SLC25A48: variants seen among roughly 807,000 people sequenced by gnomAD.
SLC25A48 encodes solute carrier family 25 member 48, also known as CTC-321K16.1.
SLC25A48 carries 29 observed loss-of-function variants against 32.2 expected under a neutral mutation model. That is an observed-to-expected ratio of 0.90 (90% CI 0.67 to 1.23). SLC25A48 has a LOEUF of 1.23. Ranked by LOEUF, SLC25A48 falls within the 50% of genes most tolerant of loss-of-function variation. The probability of loss-of-function intolerance (pLI) is 0.00; values close to 1 mark genes in which losing one functional copy is unlikely to be tolerated. For synonymous variants in SLC25A48, 164 were observed against 172.3 expected, an observed-to-expected ratio of 0.95 and a Z score of 0.38; for missense variants, 399 against 422.7, an observed-to-expected ratio of 0.94 and a Z score of 0.49.
At chr5:135,652,956 G>C (rs932778160) in intron 3 of SLC25A48, among the ~76,000 whole-genome samples, 2 of 152,112 alleles carry the variant, frequency 1.3e-5, no homozygotes, top group Non-Finnish European at 2.9e-5. Flanking sequence ...TAGGTCATGA[G>C]GCCTCCACCT....
intron 3 of SLC25A48, among the ~76,000 whole-genome samples, chr5:135,709,309 C>T (rs1342559833): frequency 6.6e-6 from 1 of 152,228 alleles, no homozygotes; most frequent in Non-Finnish European, 1.5e-5. Context: ...GGGCCAATTC[C>T]TCCAACCCCA....
intron 3 of SLC25A48, among the ~76,000 whole-genome samples, chr5:135,637,847 A>G (rs895340868): frequency 2.6e-5 from 4 of 152,016 alleles, no homozygotes; most frequent in African/African-American, 7.2e-5. Flanking sequence ...TTTGGGCTGT[A>G]TTTGTTGTTG....
chr5:135,827,430 G>A (rs1758091289), intron 4 of SLC25A48: 1 of 152,146 alleles, frequency 6.6e-6, no homozygotes, highest in Non-Finnish European at 1.5e-5. Flanking sequence ...ATTCTTTTTA[G>A]AAAATCTATT....
intron 2 of SLC25A48, among the ~76,000 whole-genome samples, chr5:135,633,077 G>A (rs1029485500): frequency 1.4e-4 from 22 of 152,190 alleles, no homozygotes; most frequent in African/African-American, 4.6e-4. Flanking sequence ...TATCTCTGCA[G>A]TTTAATAGTG....
At chr5:135,869,982 C>T (rs1181791455) in intron 4 of SLC25A48, among the ~76,000 whole-genome samples, 2 of 152,182 alleles carry the variant, frequency 1.3e-5, no homozygotes, top group African/African-American at 4.8e-5. Context: ...AGAAACCACC[C>T]CCTCAACCTC....
intron 3 of SLC25A48, among the ~76,000 whole-genome samples, chr5:135,798,289 G>A (rs1757237005): frequency 6.6e-6 from 1 of 151,700 alleles, no homozygotes; most frequent in Non-Finnish European, 1.5e-5. Context: ...GGGGAAAGAG[G>A]ATGATATTAC....
chr5:135,795,242 A>G (rs1757139395), intron 3 of SLC25A48, among the ~76,000 whole-genome samples: 2 of 151,850 alleles, frequency 1.3e-5, no homozygotes, highest in Non-Finnish European at 1.5e-5. Context: ...TACTCCCAAT[A>G]TCGCAGAAGG....
intron 3 of SLC25A48, among the ~76,000 whole-genome samples, chr5:135,764,316 G>T (rs991043372): frequency 6.6e-6 from 1 of 151,956 alleles, no homozygotes; most frequent in Non-Finnish European, 1.5e-5. Context: ...ATCGTGGAGG[G>T]TGTACACCCC....
chr5:135,629,974 CCA>C lies in SLC25A48; in HGVS notation c.-709+599_-709+600del, dbSNP rs1425033930. 6.6e-6 allele frequency among the ~76,000 whole-genome samples: 1 copy of C among 152,182 alleles called. No individual in the cohort carries two copies. The highest frequency in any genetic ancestry group is 2.4e-5 in the African/African-American group (1 of 41,442). ...TGCCACAGGTACCTGCCACAAGACC[CCA>C]GAGACTCATGATCTGATCAGTCCAT... On this transcript the variant is annotated intron_variant, in intron 2 of 10. Transcript: ENST00000646290. The surrounding 1 kb of genome is among the most constrained non-coding windows in gnomAD (Gnocchi z 4.8).
At chr5:135,617,601 C>G (rs181958168) in intron 1 of SLC25A48, among the ~76,000 whole-genome samples, 1 of 150,434 alleles carries the variant, frequency 6.6e-6, no homozygotes, top group African/African-American at 2.4e-5. Flanking sequence ...TGTAAACTTC[C>G]CTGTTAGCAC....
intron 3 of SLC25A48, among the ~76,000 whole-genome samples, chr5:135,754,995 A>G (rs1307071185): frequency 6.6e-6 from 1 of 152,142 alleles, no homozygotes; most frequent in African/African-American, 2.4e-5. Context: ...ACACACTGTG[A>G]TATTAATGAA....
intron 1 of SLC25A48, among the ~76,000 whole-genome samples, chr5:135,841,460 G>A (rs1580962054): frequency 6.6e-6 from 1 of 152,120 alleles, no homozygotes; most frequent in East Asian, 1.9e-4. Flanking sequence ...CTCCTACTGG[G>A]CTCTTCAGCT....
At chr5:135,628,348 G>C (rs1344428869) in intron 1 of SLC25A48, among the ~76,000 whole-genome samples, 1 of 152,184 alleles carries the variant, frequency 6.6e-6, no homozygotes, top group Non-Finnish European at 1.5e-5. Flanking sequence ...AGAATCCCTC[G>C]GAGGTTTTAG....
At chr5:135,848,142 G>C (rs771451471) in intron 2 of SLC25A48, among the ~76,000 whole-genome samples, 3 of 152,144 alleles carry the variant, frequency 2.0e-5, no homozygotes, top group Non-Finnish European at 2.9e-5. Flanking sequence ...ACAGACCTTT[G>C]CTCCATGGCT....
At chr5:135,720,309 C>A (rs1339848331) in intron 3 of SLC25A48, among the ~76,000 whole-genome samples, 1 of 147,696 alleles carries the variant, frequency 6.8e-6, no homozygotes, top group African/African-American at 2.5e-5. Context: ...GCTTTTGAAG[C>A]AAATGTGGAA....
intron 1 of SLC25A48, among the ~76,000 whole-genome samples, chr5:135,583,689 G>C (rs1434854006): frequency 6.6e-6 from 1 of 151,998 alleles, no homozygotes; most frequent in East Asian, 1.9e-4. Context: ...GCCAGAGCAA[G>C]ATCCTGGGCT....
Position 135,742,417 on chromosome 5 carries a change from G to C in SLC25A48, c.-520-70106G>C, listed in dbSNP as rs1024077714. On this transcript the variant is annotated intron_variant, in intron 3 of 10. Transcript: ENST00000646290. ...TATTTAATAGCCATCACGACCCTCA[G>C]ATAGAATGAACATCTCCCAGTGGTT... 289 of 1,416,978 alleles carry C rather than the reference G, an allele frequency of 2.0e-4. No individual in the cohort carries two copies. The African/African-American group carries it at 3.7e-3, about 18-fold the overall frequency. 87.8% of individuals were successfully genotyped at this position (1,416,978 alleles called of 1,614,324 possible). A position where few individuals can be genotyped will look rare whatever the true frequency, so the allele number is the denominator to read the frequency against.
At chr5:135,777,504 A>G (rs967057970) in intron 3 of SLC25A48, among the ~76,000 whole-genome samples, 2 of 151,552 alleles carry the variant, frequency 1.3e-5, no homozygotes, top group East Asian at 2.0e-4. Flanking sequence ...AGAGGATAAT[A>G]TTACTCCAAT....
chr5:135,734,584 T>A (rs548217296), intron 3 of SLC25A48, among the ~76,000 whole-genome samples: 4 of 151,536 alleles, frequency 2.6e-5, no homozygotes, highest in Non-Finnish European at 2.9e-5. Context: ...TCCCAGCACT[T>A]TGGGAGGCTG....
Sources: gnomAD v4.1 joint callset for allele counts (sites outside exome capture counted in the v4.1 genomes callset) on GRCh38, gnomAD v4.1.1 for gene constraint, Gnocchi (gnomAD v3.1) non-coding constraint, MANE v1.5 for transcripts, NCBI Gene and HGNC (gene_info 2026-07-23, HGNC 2026-07-21) for gene names.